Variants in DMD observed in about 807,000 individuals in gnomAD.
DMD encodes the protein dystrophin, also known as mutant dystrophin.
In DMD, 63 loss-of-function variants were observed where a neutral mutation model predicts 330.1. The ratio of observed to expected loss-of-function variants is 0.19; its 90% CI spans 0.16 to 0.24. The LOEUF (loss-of-function observed/expected upper bound fraction) is 0.24. Ranked by LOEUF, DMD falls within the 10% of genes least tolerant of loss-of-function variation. The pLI, the probability that DMD is intolerant of heterozygous loss-of-function variation, is 1.00. For missense variants in DMD, 3,344 were observed against 2,684.1 expected, an observed-to-expected ratio of 1.25 and a Z score of -5.43; for synonymous variants, 1,223 against 959.8, an observed-to-expected ratio of 1.27 and a Z score of -5.07.
chrX:31,940,573 G>C (rs1351903552), intron 45 of DMD, among the ~76,000 whole-genome samples: 1 of 111,445 alleles, frequency 9.0e-6, no homozygotes. Context: ...GAAGTGCCCT[G>C]GGCCCCCCTG....
Position 32,342,197 on chromosome X carries a change from G to A in DMD, c.5825C>T (p.Ala1942Val), listed in dbSNP as rs773764541. 2 of 1,211,046 alleles carry A rather than the reference G, an allele frequency of 1.7e-6. No individual in the cohort carries two copies. Among genetic ancestry groups the A allele is most frequent in the Admixed American group, 4.4e-5 (2 of 45,950 alleles). ...QAEGLSEDGAAMAVEPTQIQL... is the reference protein window; with the variant it reads ...QAEGLSEDGAVMAVEPTQIQL... The stretch of plus-strand genomic sequence containing the variant: ...GATCTGAGTTGGCTCCACTGCCATT[G>A]CGGCCCCATCCTCAGACAAGCCCTC... The change falls in exon 41 of 79, where the codon GCA (alanine) becomes GTA (valine). Residue 1942 changes from alanine to valine, a missense_variant. Physicochemically the swap from Ala to Val is moderately conservative, Grantham distance 64. Coordinates refer to ENST00000357033, the MANE Select transcript of DMD (RefSeq NM_004006.3).
chrX:32,463,179 A>G (rs1473267180), intron 25 of DMD, among the ~76,000 whole-genome samples: 1 of 111,949 alleles, frequency 8.9e-6, no homozygotes, highest in Non-Finnish European at 1.9e-5. Flanking sequence ...GACTAAGAAT[A>G]GGATTTCATT....
rs140285424 is a variant in DMD at position 33,048,940 on chromosome X, T to C, written c.32-28740A>G. Reference sequence around the variant, plus strand: ...AAACTGTATCTCAACTTGTGCTCTTTCTGTTGCTTTAGGGCCAGTGTATTC... The same window carrying C: ...AAACTGTATCTCAACTTGTGCTCTTCCTGTTGCTTTAGGGCCAGTGTATTC... On this transcript the variant is annotated intron_variant, in intron 1 of 78. Transcript: ENST00000357033. 3.6e-5 allele frequency among the ~76,000 whole-genome samples: 4 copies of C among 110,893 alleles called. No homozygotes were observed. The East Asian group carries it at 1.1e-3, about 32-fold the overall frequency.
At chrX:31,175,863 C>A (rs970807346) in intron 71 of DMD, among the ~76,000 whole-genome samples, 4 of 111,274 alleles carry the variant, frequency 3.6e-5, no homozygotes, top group Non-Finnish European at 7.6e-5. Context: ...GTTTGACTGG[C>A]TCACTTATGG....
chrX:33,274,311 G>A (rs978760550), intron 1 of DMD, among the ~76,000 whole-genome samples: 4 of 111,693 alleles, frequency 3.6e-5, no homozygotes, highest in Non-Finnish European at 7.5e-5. Flanking sequence ...ATTATAACTT[G>A]ATAGATTTAA....
intron 2 of DMD, among the ~76,000 whole-genome samples, chrX:32,892,799 C>T (rs1342029327): frequency 8.9e-6 from 1 of 112,049 alleles, no homozygotes; most frequent in African/African-American, 3.2e-5. Context: ...CTCAGGCCTA[C>T]ACGCTTGGCA....
At chrX:32,377,425 T>C (rs1490466670) in intron 34 of DMD, among the ~76,000 whole-genome samples, 1 of 111,926 alleles carries the variant, frequency 8.9e-6, no homozygotes, top group African/African-American at 3.2e-5. Context: ...GAGTTTTCTT[T>C]CTTCAATTAT....
At chrX:33,296,741 A>G (rs189311434) in intron 1 of DMD, among the ~76,000 whole-genome samples, 133 of 111,047 alleles carry the variant, frequency 1.2e-3, no homozygotes, top group African/African-American at 3.9e-3. Context: ...ATTTGGTTTT[A>G]TATAACATAT....
At chrX:31,511,737 T>C (rs1603291668) in intron 55 of DMD, among the ~76,000 whole-genome samples, 1 of 108,475 alleles carries the variant, frequency 9.2e-6, no homozygotes, top group African/African-American at 3.4e-5. Context: ...CTATCACTGT[T>C]GGACATTTGG....
intron 62 of DMD, among the ~76,000 whole-genome samples, chrX:31,271,041 T>C (rs957830877): frequency 3.6e-5 from 4 of 111,862 alleles, no homozygotes; most frequent in African/African-American, 1.3e-4. Context: ...CACCCTGAGA[T>C]TCTAATTTAA....
At chrX:31,487,397 A>T (rs1352613381) in intron 57 of DMD, among the ~76,000 whole-genome samples, 4 of 110,391 alleles carry the variant, frequency 3.6e-5, no homozygotes, top group African/African-American at 1.3e-4. Context: ...AGTAGCTGGG[A>T]CTACAGGTGC....
At chrX:32,891,622 C>T (rs1442924829) in intron 2 of DMD, among the ~76,000 whole-genome samples, 1 of 111,709 alleles carries the variant, frequency 9.0e-6, no homozygotes, top group African/African-American at 3.3e-5. Flanking sequence ...CTGTCATGAC[C>T]TTCATGGTCT....
intron 44 of DMD, among the ~76,000 whole-genome samples, chrX:32,060,966 A>T (rs1283296123): frequency 9.0e-6 from 1 of 111,210 alleles, no homozygotes; most frequent in Non-Finnish European, 1.9e-5. Flanking sequence ...TTTGCCTGGA[A>T]AATGGGAACG....
intron 61 of DMD, among the ~76,000 whole-genome samples, chrX:31,333,935 T>A: frequency 1.0e-5 from 1 of 96,247 alleles, no homozygotes; most frequent in African/African-American, 4.4e-5. Flanking sequence ...GATATTCATC[T>A]TTTTTTTTTT....
chrX:32,948,704 A>C (rs2145207), intron 2 of DMD, among the ~76,000 whole-genome samples: 1 of 110,881 alleles, frequency 9.0e-6, no homozygotes, highest in South Asian at 3.7e-4. Flanking sequence ...AAGCAAGAGA[A>C]GCTAAGGTTT....
chrX:32,519,781 A>G (rs1030953659), intron 17 of DMD, among the ~76,000 whole-genome samples: 3 of 112,298 alleles, frequency 2.7e-5, no homozygotes, highest in African/African-American at 6.5e-5. Flanking sequence ...CATATAAACC[A>G]GTTAGAATTT....
At chrX:32,028,815 A>AT (rs754880960) in intron 44 of DMD, among the ~76,000 whole-genome samples, 31 of 107,138 alleles carry the variant, frequency 2.9e-4, no homozygotes, top group East Asian at 1.2e-3. Flanking sequence ...TGCATATACC[A>AT]TTTTTTTTTT....
intron 57 of DMD, among the ~76,000 whole-genome samples, chrX:31,484,582 T>G (rs756914575): frequency 1.8e-5 from 2 of 111,718 alleles, no homozygotes; most frequent in South Asian, 7.5e-4. Context: ...AATATGCAAT[T>G]TAGAAAATGT....
At chrX:32,726,402 G>A (rs2066887586) in intron 7 of DMD, among the ~76,000 whole-genome samples, 1 of 111,365 alleles carries the variant, frequency 9.0e-6, no homozygotes, top group Non-Finnish European at 1.9e-5. Flanking sequence ...TCAGTTTAAA[G>A]TTATATCTAC....
Sources: allele counts gnomAD v4.1 joint callset (sites outside exome capture counted in the v4.1 genomes callset), GRCh38; gene constraint gnomAD v4.1.1; transcripts MANE v1.5; gene names NCBI Gene and HGNC (gene_info 2026-07-23, HGNC 2026-07-21).